The following SCAMP1 variants were observed in gnomAD, a reference collection of about 807,000 sequenced individuals.
SCAMP1 encodes secretory carrier-associated membrane protein 1.
SCAMP1 carries 15 observed loss-of-function variants against 41.8 expected under a neutral mutation model. The ratio of observed to expected loss-of-function variants is 0.36; its 90% CI spans 0.24 to 0.55. The LOEUF (loss-of-function observed/expected upper bound fraction) is 0.55, where lower values mean the gene tolerates loss of function less well. Ranked by LOEUF, SCAMP1 falls within the 20% of genes least tolerant of loss-of-function variation. SCAMP1 has a pLI of 0.86. For synonymous variants in SCAMP1, 135 were observed against 136.8 expected, an observed-to-expected ratio of 0.99 and a Z score of 0.09; for missense variants, 341 against 412.6, an observed-to-expected ratio of 0.83 and a Z score of 1.50.
Position 78,423,963 on chromosome 5 carries a change from G to A in SCAMP1, c.632+2003G>A, listed in dbSNP as rs111563139. Among the ~76,000 whole-genome samples the A allele has an allele frequency of 1.9e-3, 288 of 151,974 alleles. 1 individual carries two copies. The highest frequency in any genetic ancestry group is 6.2e-3 in the African/African-American group (255 of 41,424). ...GGGTTCAAGCAGTTCTCCTGCCTCA[G>A]CCTCTCAGGTAGCTGGGATTACAGG... On this transcript the variant is annotated intron_variant, in intron 6 of 8. Transcript: ENST00000621999.
At chr5:78,469,890 T>A (rs1328208184) in intron 8 of SCAMP1, among the ~76,000 whole-genome samples, 3 of 15,024 alleles carry the variant, frequency 2.0e-4, no homozygotes, top group Middle Eastern at 0.056. Flanking sequence ...TACAAGACAT[T>A]AAAAAAAAAA....
chr5:78,394,123 C>T (rs967044209), intron 2 of SCAMP1, among the ~76,000 whole-genome samples: 2 of 152,050 alleles, frequency 1.3e-5, no homozygotes, highest in Admixed American at 1.3e-4. Flanking sequence ...GAGAAAATTC[C>T]AGGTACTGAC....
intron 2 of SCAMP1, among the ~76,000 whole-genome samples, chr5:78,402,941 C>T (rs1023093880): frequency 1.3e-5 from 2 of 152,032 alleles, no homozygotes; most frequent in African/African-American, 4.8e-5. Context: ...GCTCAATCCC[C>T]GATCTCAGCT....
intron 7 of SCAMP1, among the ~76,000 whole-genome samples, chr5:78,451,158 C>T (rs1056976687): frequency 6.6e-6 from 1 of 152,036 alleles, no homozygotes; most frequent in Non-Finnish European, 1.5e-5. Context: ...ATGTATGTGA[C>T]TAAATAGCGT....
chr5:78,467,268 G>A (rs372946852), intron 8 of SCAMP1, among the ~76,000 whole-genome samples: 1 of 152,270 alleles, frequency 6.6e-6, no homozygotes, highest in East Asian at 1.9e-4. Flanking sequence ...TCTGCTGTGG[G>A]TGAAGTATAA....
At chr5:78,440,835 C>T (rs1580697721) in intron 6 of SCAMP1, among the ~76,000 whole-genome samples, 1 of 152,206 alleles carries the variant, frequency 6.6e-6, no homozygotes, top group East Asian at 1.9e-4. Context: ...GGCAGGCCTC[C>T]TTGAGTTGTG....
intron 2 of SCAMP1, among the ~76,000 whole-genome samples, chr5:78,400,831 CT>C (rs752985991): frequency 6.6e-6 from 1 of 151,668 alleles, no homozygotes; most frequent in Non-Finnish European, 1.5e-5. Context: ...ATCTTCATAC[CT>C]TTTTTTTGGG....
intron 2 of SCAMP1, among the ~76,000 whole-genome samples, chr5:78,403,719 G>A (rs1032995612): frequency 2.2e-4 from 34 of 152,076 alleles, no homozygotes; most frequent in African/African-American, 8.2e-4. Flanking sequence ...TAATCCCAGC[G>A]TTTTGGGAGG....
chr5:78,447,157 C>T (rs1456368404), intron 6 of SCAMP1, among the ~76,000 whole-genome samples: 1 of 152,196 alleles, frequency 6.6e-6, no homozygotes, highest in Non-Finnish European at 1.5e-5. Context: ...GAAACCATCC[C>T]ACCCCACCAT....
chr5:78,468,534 A>G (rs1182830932), intron 8 of SCAMP1, among the ~76,000 whole-genome samples: 2 of 152,126 alleles, frequency 1.3e-5, no homozygotes, highest in African/African-American at 2.4e-5. Flanking sequence ...TTAATAGATG[A>G]TATATCATTT....
chr5:78,392,232 T>G (rs1391073740), intron 2 of SCAMP1, among the ~76,000 whole-genome samples: 1 of 152,278 alleles, frequency 6.6e-6, no homozygotes, highest in Non-Finnish European at 1.5e-5. Flanking sequence ...TTGTGCCATG[T>G]GCTTTGCCTG....
chr5:78,440,610 T>G (rs540513949), intron 6 of SCAMP1, among the ~76,000 whole-genome samples: 1 of 152,288 alleles, frequency 6.6e-6, no homozygotes, highest in African/African-American at 2.4e-5. Context: ...GAGGTGTCTG[T>G]TGGCCCCTAC....
chr5:78,469,871 C>G, intron 8 of SCAMP1, among the ~76,000 whole-genome samples: 1 of 114,478 alleles, frequency 8.7e-6, no homozygotes, highest in Non-Finnish European at 1.7e-5. Context: ...AGACTACCCT[C>G]CAACCCCTTA....
chr5:78,417,760 G>T (rs531724607), intron 4 of SCAMP1, among the ~76,000 whole-genome samples: 1 of 152,210 alleles, frequency 6.6e-6, no homozygotes, highest in South Asian at 2.1e-4. Context: ...TCTTCTTTAC[G>T]AGTATTCACT....
chr5:78,423,906 T>A (rs1044267009), intron 6 of SCAMP1, among the ~76,000 whole-genome samples: 2 of 151,660 alleles, frequency 1.3e-5, no homozygotes, highest in African/African-American at 4.8e-5. Flanking sequence ...GTGCAATGGC[T>A]TGATCTCGGT....
chr5:78,449,483 G>A (rs1289883476), intron 6 of SCAMP1, among the ~76,000 whole-genome samples: 1 of 152,156 alleles, frequency 6.6e-6, no homozygotes, highest in African/African-American at 2.4e-5. Context: ...GTAGGGTGGG[G>A]CTACCAAGGG....
intron 7 of SCAMP1, among the ~76,000 whole-genome samples, chr5:78,457,369 G>A (rs1233275030): frequency 6.6e-6 from 1 of 151,984 alleles, no homozygotes; most frequent in East Asian, 1.9e-4. Flanking sequence ...TTTTGGTGTG[G>A]ATGTCCTTTC....
chr5:78,391,286 C>T (rs1751490160), intron 2 of SCAMP1, among the ~76,000 whole-genome samples: 3 of 148,698 alleles, frequency 2.0e-5, no homozygotes, highest in African/African-American at 7.5e-5. Flanking sequence ...GGGGGGCTGA[C>T]CCCCCCACCT....
At chr5:78,395,317 G>T (rs1455988462) in intron 2 of SCAMP1, among the ~76,000 whole-genome samples, 1 of 152,046 alleles carries the variant, frequency 6.6e-6, no homozygotes, top group South Asian at 2.1e-4. Context: ...ATGAACCCCC[G>T]ACCCTATTGA....
Sources: allele counts gnomAD v4.1 joint callset (sites outside exome capture counted in the v4.1 genomes callset), GRCh38; gene constraint gnomAD v4.1.1; transcripts MANE v1.5; gene names NCBI Gene and HGNC (gene_info 2026-07-23, HGNC 2026-07-21).